The following CSMD2 variants were observed in gnomAD, a reference collection of about 807,000 sequenced individuals.
The protein encoded by CSMD2 is CUB and sushi domain-containing protein 2.
Under a neutral mutation model 398.5 loss-of-function variants are expected in CSMD2, and 130 were observed. The observed-to-expected ratio is 0.33, with a 90% CI of 0.28 to 0.38. The LOEUF (loss-of-function observed/expected upper bound fraction) is 0.38, where lower values mean the gene tolerates loss of function less well. Ranked by LOEUF, CSMD2 falls within the 10% of genes least tolerant of loss-of-function variation. CSMD2 has a pLI of 1.00. For missense variants in CSMD2, 3,829 were observed against 4,764.9 expected, an observed-to-expected ratio of 0.80 and a Z score of 5.78; for synonymous variants, 1,828 against 1,908.5, an observed-to-expected ratio of 0.96 and a Z score of 1.10.
intron 20 of CSMD2, 95 bp downstream of exon 20, chr1:33,716,191 A>T: frequency 1.9e-6 from 2 of 1,053,408 alleles, no homozygotes; most frequent in Non-Finnish European, 2.9e-6. Context: ...GAGTGGATTA[A>T]TATCTATCTG....
At position 33,617,637 on chromosome 1, in the gene CSMD2, A is replaced by C. The variant is rs72890864; in HGVS notation, c.5828-20T>G. 3,509 of 1,595,250 alleles carry C rather than the reference A, an allele frequency of 2.2e-3. 56 individuals are homozygous for C. In the African/African-American group the frequency reaches 0.038, roughly 17 times the overall value. On this transcript the variant is annotated intron_variant, in intron 37 of 70. Transcript: ENST00000373381. ...CCACCGCTAGACAAGACAGAGACAG[A>C]AGGAAAGGAGAATGGACTAGCCCAG...
chr1:33,564,789 C>T (rs1658899965), intron 53 of CSMD2, among the ~76,000 whole-genome samples: 1 of 151,120 alleles, frequency 6.6e-6, no homozygotes, highest in South Asian at 2.1e-4. Context: ...TTTTATGGCC[C>T]CATCCCATAT....
chr1:34,105,641 C>T (rs1319844157), intron 1 of CSMD2, among the ~76,000 whole-genome samples: 1 of 152,086 alleles, frequency 6.6e-6, no homozygotes, highest in Non-Finnish European at 1.5e-5. Flanking sequence ...AAACAAAATA[C>T]ATAGAATTGC....
intron 1 of CSMD2, among the ~76,000 whole-genome samples, chr1:34,143,546 A>G (rs1470655181): frequency 2.0e-5 from 3 of 152,208 alleles, no homozygotes; most frequent in African/African-American, 7.2e-5. Context: ...CAGGTGATAT[A>G]TTAGAAAGAC....
At chr1:33,949,201 A>C (rs1644928158) in intron 3 of CSMD2, among the ~76,000 whole-genome samples, 1 of 152,246 alleles carries the variant, frequency 6.6e-6, no homozygotes, top group African/African-American at 2.4e-5. Flanking sequence ...CAAAGTGCTT[A>C]TCTCAGTGTC....
intron 3 of CSMD2, among the ~76,000 whole-genome samples, chr1:33,953,268 G>T (rs997809021): frequency 7.2e-5 from 11 of 152,172 alleles, no homozygotes; most frequent in African/African-American, 2.2e-4. Context: ...AGGTGGAGTA[G>T]AGCTCCCCAC....
At chr1:33,738,591 C>A (rs769297734) in intron 15 of CSMD2, among the ~76,000 whole-genome samples, 1 of 152,186 alleles carries the variant, frequency 6.6e-6, no homozygotes, top group East Asian at 1.9e-4. Context: ...CATCATCAGC[C>A]GTGTGCCTGC....
chr1:33,978,397 T>G (rs1646045242), intron 3 of CSMD2, among the ~76,000 whole-genome samples: 1 of 152,178 alleles, frequency 6.6e-6, no homozygotes, highest in Admixed American at 6.5e-5. Context: ...GGGGATTCGG[T>G]GCTGAGCATG....
At chr1:34,132,114 AAGG>A (rs1475305121) in intron 1 of CSMD2, among the ~76,000 whole-genome samples, 9 of 152,214 alleles carry the variant, frequency 5.9e-5, no homozygotes, top group Middle Eastern at 3.4e-3. Context: ...CTTGACCTGT[AAGG>A]AGGAAGAGCA....
intron 2 of CSMD2, among the ~76,000 whole-genome samples, chr1:34,055,961 A>C (rs1653785282): frequency 6.6e-6 from 1 of 152,218 alleles, no homozygotes; most frequent in Admixed American, 6.5e-5. Context: ...ATTAGCATTC[A>C]TAAGATGTGT....
At chr1:34,090,522 C>T (rs1360902123) in intron 1 of CSMD2, among the ~76,000 whole-genome samples, 1 of 151,926 alleles carries the variant, frequency 6.6e-6, no homozygotes, top group Non-Finnish European at 1.5e-5. Flanking sequence ...TCCCCCCACC[C>T]ACTCTCTCCT....
chr1:33,731,987 ATTG>A (rs1382475090), intron 15 of CSMD2, among the ~76,000 whole-genome samples: 1 of 152,162 alleles, frequency 6.6e-6, no homozygotes, highest in Non-Finnish European at 1.5e-5. Context: ...TGAGTTTATA[ATTG>A]TTGAGGTTGA....
intron 22 of CSMD2, among the ~76,000 whole-genome samples, chr1:33,707,010 C>G (rs1645809403): frequency 6.6e-6 from 1 of 152,170 alleles, no homozygotes; most frequent in Non-Finnish European, 1.5e-5. Flanking sequence ...CCCTGACCAC[C>G]TCAGAAAGAC....
At chr1:33,975,486 T>TACACACACACACACACACACACAC (rs57095754) in intron 3 of CSMD2, among the ~76,000 whole-genome samples, 32 of 146,466 alleles carry the variant, frequency 2.2e-4, no homozygotes, top group African/African-American at 6.8e-4. Context: ...CTCCCAAGTG[T>TACACACACACACACACACACACAC]ACACACACAC....
intron 2 of CSMD2, among the ~76,000 whole-genome samples, chr1:34,046,464 G>C (rs1186049233): frequency 6.6e-6 from 1 of 152,170 alleles, no homozygotes. Context: ...ACATTACTGA[G>C]ACACTAATGG....
intron 15 of CSMD2, among the ~76,000 whole-genome samples, chr1:33,737,602 A>T (rs1332051868): frequency 1.3e-5 from 2 of 152,156 alleles, no homozygotes; most frequent in Non-Finnish European, 2.9e-5. Flanking sequence ...GGTGGCTTGG[A>T]TGATAAGTTG....
At chr1:33,683,222 T>G (rs1644963151) in intron 25 of CSMD2, among the ~76,000 whole-genome samples, 1 of 152,244 alleles carries the variant, frequency 6.6e-6, no homozygotes, top group Non-Finnish European at 1.5e-5. Context: ...GAATCTCTCC[T>G]CCTGCATTTC....
rs528604152 is a variant in CSMD2 at position 34,122,812 on chromosome 1, G to T, written c.188-33619C>A. On this transcript the variant is annotated intron_variant, in intron 1 of 70. Transcript: ENST00000373381. ...AGAGGTGAAGGGCATCTTACCAGGG[G>T]ACAGAGAGGCCCACTAGAGGGAGGA... is the stretch of plus-strand genomic sequence containing the variant. Among the ~76,000 whole-genome samples, 4 of 152,270 alleles carry T rather than the reference G, an allele frequency of 2.6e-5. No individual in the cohort carries two copies. The South Asian group carries it at 8.3e-4, about 32-fold the overall frequency.
intron 15 of CSMD2, among the ~76,000 whole-genome samples, chr1:33,738,132 CT>C (rs2149242383): frequency 6.6e-6 from 1 of 152,246 alleles, no homozygotes; most frequent in Admixed American, 6.5e-5. Context: ...CCTGTCCTTC[CT>C]GTTCATGGCC....
Sources: allele counts gnomAD v4.1 joint callset (sites outside exome capture counted in the v4.1 genomes callset), GRCh38; gene constraint gnomAD v4.1.1; transcripts MANE v1.5; gene names NCBI Gene and HGNC (gene_info 2026-07-23, HGNC 2026-07-21).